Variants in EPM2A observed in about 807,000 individuals in gnomAD.
EPM2A encodes laforin.
A neutral mutation model predicts 26.5 loss-of-function variants in EPM2A; 21 were observed. That is an observed-to-expected ratio of 0.79 (90% confidence interval 0.56 to 1.14). The LOEUF is 1.14. EPM2A is among the 50% of genes most tolerant of loss of function. The pLI is 0.00. For missense variants in EPM2A, 458 were observed against 440.8 expected, an observed-to-expected ratio of 1.04 and a Z score of -0.35; for synonymous variants, 217 against 177.6, an observed-to-expected ratio of 1.22 and a Z score of -1.76.
chr6:145,489,069 G>A (rs1249830161), intron 4 of EPM2A, among the ~76,000 whole-genome samples: 2 of 152,002 alleles, frequency 1.3e-5, no homozygotes, highest in South Asian at 2.1e-4. Context: ...TAACATTCTC[G>A]AAATTTTGCC....
intron 4 of EPM2A, among the ~76,000 whole-genome samples, chr6:145,427,166 T>C (rs997509504): frequency 1.3e-5 from 2 of 152,172 alleles, no homozygotes; most frequent in African/African-American, 2.4e-5. Flanking sequence ...ACAGCCAATA[T>C]CAAGTCCACA....
intron 2 of EPM2A, among the ~76,000 whole-genome samples, chr6:145,566,975 T>G (rs544186638): frequency 6.6e-6 from 1 of 152,322 alleles, no homozygotes; most frequent in East Asian, 1.9e-4. Context: ...AAGTTGACTT[T>G]GGTAAAGGAG....
At chr6:145,640,710 A>G (rs1470191363) in intron 2 of EPM2A, 2 of 152,216 alleles carry the variant, frequency 1.3e-5, no homozygotes, top group Non-Finnish European at 2.9e-5. Context: ...AAAAAAGTCT[A>G]TCCGTCCTAT....
intron 1 of EPM2A, among the ~76,000 whole-genome samples, chr6:145,712,332 G>A (rs560349447): frequency 6.6e-6 from 1 of 152,204 alleles, no homozygotes; most frequent in East Asian, 1.9e-4. Context: ...AATTAAAGTT[G>A]AACAGACTTT....
intron 2 of EPM2A, among the ~76,000 whole-genome samples, chr6:145,535,763 T>C (rs1780422673): frequency 6.6e-6 from 1 of 152,242 alleles, no homozygotes; most frequent in Admixed American, 6.5e-5. Context: ...TTAAATTAAG[T>C]AAAAATGCTC....
chr6:145,667,375 A>C (rs1413513314), intron 2 of EPM2A, among the ~76,000 whole-genome samples: 1 of 146,412 alleles, frequency 6.8e-6, no homozygotes, highest in Non-Finnish European at 1.5e-5. Context: ...GACACTTCTC[A>C]AAAGAAGATA....
chr6:145,535,683 A>G (rs1445722854), intron 2 of EPM2A, among the ~76,000 whole-genome samples: 2 of 152,246 alleles, frequency 1.3e-5, no homozygotes, highest in Non-Finnish European at 2.9e-5. Flanking sequence ...CAGTGAGGTA[A>G]AGTAGATCCA....
chr6:145,659,159 C>A (rs1192944249), intron 2 of EPM2A, among the ~76,000 whole-genome samples: 6 of 152,096 alleles, frequency 3.9e-5, no homozygotes, highest in Non-Finnish European at 1.5e-5. Flanking sequence ...ATATTACAAT[C>A]CCCACTAACT....
At chr6:145,451,758 T>C (rs1355151218) in intron 4 of EPM2A, among the ~76,000 whole-genome samples, 2 of 152,262 alleles carry the variant, frequency 1.3e-5, no homozygotes, top group African/African-American at 4.8e-5. Flanking sequence ...GTTTATTTTT[T>C]AATGAATTAA....
chr6:145,583,643 T>G (rs1781146249), intron 2 of EPM2A, among the ~76,000 whole-genome samples: 1 of 152,164 alleles, frequency 6.6e-6, no homozygotes, highest in Non-Finnish European at 1.5e-5. Context: ...CCATGCTTGC[T>G]CACATGTGAC....
chr6:145,559,348 T>G (rs779876036), intron 2 of EPM2A, among the ~76,000 whole-genome samples: 3 of 152,084 alleles, frequency 2.0e-5, no homozygotes, highest in Non-Finnish European at 4.4e-5. Context: ...TTTGCAAAAA[T>G]AAACAAATCC....
chr6:145,561,530 G>A (rs1435815432), intron 2 of EPM2A, among the ~76,000 whole-genome samples: 4 of 152,110 alleles, frequency 2.6e-5, no homozygotes, highest in African/African-American at 9.7e-5. Context: ...AGGGAAGACT[G>A]CAGCAGAGCC....
At chr6:145,475,997 G>GA (rs1486889195) in intron 4 of EPM2A, among the ~76,000 whole-genome samples, 2 of 151,720 alleles carry the variant, frequency 1.3e-5, no homozygotes, top group Admixed American at 1.3e-4. Context: ...TGAAATGGAT[G>GA]AAAAAACAAG....
At chr6:145,717,523 C>A (rs1775700484) in intron 1 of EPM2A, among the ~76,000 whole-genome samples, 1 of 152,162 alleles carries the variant, frequency 6.6e-6, no homozygotes, top group Non-Finnish European at 1.5e-5. Flanking sequence ...ACTGAATGGG[C>A]AAAAACTGGA....
intron 1 of EPM2A, among the ~76,000 whole-genome samples, chr6:145,709,943 T>A (rs944784180): frequency 1.3e-5 from 2 of 152,186 alleles, no homozygotes; most frequent in Non-Finnish European, 2.9e-5. Context: ...GATCCCTTCC[T>A]TACACCTTAT....
At chr6:145,716,664 C>T (rs1775642941) in intron 1 of EPM2A, among the ~76,000 whole-genome samples, 1 of 152,016 alleles carries the variant, frequency 6.6e-6, no homozygotes, top group South Asian at 2.1e-4. Context: ...CTCAGGATTC[C>T]TTCACCCCAA....
In EPM2A at chr6:145,684,684, A is replaced by G. The variant is rs779677534; in HGVS notation, c.476+1438T>C. Reference sequence around the variant, plus strand: ...CCATAAAATTTCTGACATCAAATCAATTTCCTTCCTGTAATCTAACAGACA... The same window carrying G: ...CCATAAAATTTCTGACATCAAATCAGTTTCCTTCCTGTAATCTAACAGACA... On this transcript the variant is annotated intron_variant, in intron 2 of 3. Coordinates refer to ENST00000367519, the MANE Select transcript of EPM2A (RefSeq NM_005670.4). 7 of 152,264 alleles carry G rather than the reference A, an allele frequency of 4.6e-5. No individual in the cohort carries two copies. The South Asian group carries it at 1.2e-3, about 27-fold the overall frequency. 9.4% of individuals were successfully genotyped at this position (152,264 alleles called of 1,614,324 possible). A position where few individuals can be genotyped will look rare whatever the true frequency, so the allele number is the denominator to read the frequency against.
At chr6:145,591,998 T>C (rs1317231814) in intron 2 of EPM2A, among the ~76,000 whole-genome samples, 1 of 152,122 alleles carries the variant, frequency 6.6e-6, no homozygotes, top group Non-Finnish European at 1.5e-5. Context: ...TCATTAGAAA[T>C]GCACATTTTA....
At chr6:145,682,095 G>A (rs1274926391) in intron 2 of EPM2A, among the ~76,000 whole-genome samples, 2 of 152,106 alleles carry the variant, frequency 1.3e-5, no homozygotes, top group Non-Finnish European at 2.9e-5. Flanking sequence ...ACAGGAAGGA[G>A]GTTTAATGGA....
Sources: gnomAD v4.1 joint callset for allele counts (sites outside exome capture counted in the v4.1 genomes callset) on GRCh38, gnomAD v4.1.1 for gene constraint, MANE v1.5 for transcripts, NCBI Gene and HGNC (gene_info 2026-07-23, HGNC 2026-07-21) for gene names.